ACOXL: variants seen among roughly 807,000 people sequenced by gnomAD.
ACOXL encodes acyl-CoA oxidase like.
In ACOXL, 70 loss-of-function variants were observed where a neutral mutation model predicts 71.9. The observed-to-expected ratio is 0.97, with a 90% CI of 0.80 to 1.19. The LOEUF is 1.19. Ranked by LOEUF, ACOXL falls within the 50% of genes most tolerant of loss-of-function variation. The probability of loss-of-function intolerance (pLI) is 0.00; values close to 1 mark genes in which losing one functional copy is unlikely to be tolerated. For synonymous variants in ACOXL, 253 were observed against 281.6 expected (o/e 0.90, Z 1.02); for missense variants, 703 against 736.3 (o/e 0.95, Z 0.52).
intron 12 of ACOXL, among the ~76,000 whole-genome samples, chr2:110,955,188 C>T (rs934471239): frequency 6.6e-6 from 1 of 152,102 alleles, no homozygotes; most frequent in South Asian, 2.1e-4. Flanking sequence ...ATATTGTTTT[C>T]CATGTTCTTT....
intron 12 of ACOXL, among the ~76,000 whole-genome samples, chr2:110,976,303 GGAATTCT>G (rs2062443492): frequency 6.6e-6 from 1 of 152,192 alleles, no homozygotes; most frequent in African/African-American, 2.4e-5. Flanking sequence ...CTGGGGTGGG[GGAATTCT>G]GTATTTCCAG....
At chr2:110,868,134 T>G (rs1694839959) in intron 10 of ACOXL, among the ~76,000 whole-genome samples, 1 of 152,200 alleles carries the variant, frequency 6.6e-6, no homozygotes, top group African/African-American at 2.4e-5. Flanking sequence ...CAGACTACAT[T>G]TTTGTGTAAC....
intron 12 of ACOXL, among the ~76,000 whole-genome samples, chr2:110,939,148 C>G (rs867471773): frequency 5.9e-5 from 9 of 152,220 alleles, no homozygotes; most frequent in African/African-American, 2.2e-4. Context: ...TTTTTCCTCT[C>G]AACTGCTAAC....
intron 16 of ACOXL, among the ~76,000 whole-genome samples, chr2:111,057,930 G>A (rs1021902366): frequency 1.1e-4 from 17 of 152,224 alleles, no homozygotes; most frequent in African/African-American, 3.6e-4. Context: ...CCGCCCAGGC[G>A]TGGAGGGTGC....
chr2:110,972,965 A>G (rs2062276928), intron 12 of ACOXL, among the ~76,000 whole-genome samples: 1 of 152,238 alleles, frequency 6.6e-6, no homozygotes, highest in African/African-American at 2.4e-5. Context: ...TATGTGCTCA[A>G]TTGGTTTAGG....
chr2:110,988,027 A>G (rs1344697817), intron 13 of ACOXL, among the ~76,000 whole-genome samples: 1 of 152,240 alleles, frequency 6.6e-6, no homozygotes, highest in African/African-American at 2.4e-5. Context: ...TAGGACCTCC[A>G]CTTCAGACGC....
At position 110,798,604 on chromosome 2, in the gene ACOXL, G is replaced by A. The variant is rs368352515; in HGVS notation, c.346-6G>A. On this transcript the variant is annotated splice_region_variant and splice_polypyrimidine_tract_variant and intron_variant, in intron 5 of 17. Transcript: ENST00000439055. The stretch of plus-strand genomic sequence containing the variant: ...GAAACACTGTTGCTCTGCTTTTTCT[G>A]TGTAGGAGTTTGTAATTGACACGCC... 30 of 1,610,896 alleles carry A rather than the reference G, an allele frequency of 1.9e-5. No homozygotes were observed. Among genetic ancestry groups the A allele is most frequent in the African/African-American group, 4.0e-5 (3 of 74,824 alleles).
Position 111,117,858 on chromosome 2 carries a change from C to A in ACOXL, c.*42C>A. 1 of 1,527,656 alleles carries A rather than the reference C, an allele frequency of 6.5e-7. No individual in the cohort carries two copies. The highest frequency in any genetic ancestry group is 8.8e-7 in the Non-Finnish European group (1 of 1,138,196). 94.6% of individuals were successfully genotyped at this position (1,527,656 alleles called of 1,614,324 possible). A position where few individuals can be genotyped will look rare whatever the true frequency, so the allele number is the denominator to read the frequency against. On this transcript the variant is annotated 3_prime_UTR_variant, in exon 18 of 18. Transcript: ENST00000439055. ...TGTGGTGGCCCGCCAGCAGCTGCCACGACGCTCGCTCCACCGACGCCCAGA... is the reference window on the plus strand; with the variant it reads ...TGTGGTGGCCCGCCAGCAGCTGCCAAGACGCTCGCTCCACCGACGCCCAGA...
At chr2:111,075,663 T>C (rs549598155) in intron 16 of ACOXL, among the ~76,000 whole-genome samples, 1 of 152,118 alleles carries the variant, frequency 6.6e-6, no homozygotes, top group Admixed American at 6.5e-5. Context: ...CTTAGATTAT[T>C]GATTTTAGAC....
chr2:110,838,488 G>A (rs1044430776), intron 9 of ACOXL, among the ~76,000 whole-genome samples: 1 of 152,178 alleles, frequency 6.6e-6, no homozygotes, highest in Non-Finnish European at 1.5e-5. Flanking sequence ...AGGCCTAGGA[G>A]GAAAAGCATC....
intron 17 of ACOXL, among the ~76,000 whole-genome samples, chr2:111,096,985 A>C (rs2068839927): frequency 6.6e-6 from 1 of 151,924 alleles, no homozygotes. Context: ...CTTAGTGCTG[A>C]CCCTGATTTT....
chr2:110,773,653 G>T (rs1682260453), intron 2 of ACOXL, among the ~76,000 whole-genome samples: 1 of 152,210 alleles, frequency 6.6e-6, no homozygotes, highest in Non-Finnish European at 1.5e-5. Flanking sequence ...TCTGGCTTCT[G>T]TTTGTACTGG....
chr2:110,936,841 A>G (rs1322460765), intron 12 of ACOXL, among the ~76,000 whole-genome samples: 2 of 124,750 alleles, frequency 1.6e-5, no homozygotes, highest in Non-Finnish European at 3.5e-5. Context: ...TGAACCACTT[A>G]TTTTAGGGAT....
At position 111,005,215 on chromosome 2, in the gene ACOXL, T is replaced by C. The variant is rs529955164; in HGVS notation, c.1281+9211T>C. ...TGTATAAGACTCACCTGGGAAAGAC[T>C]AATTTTCAAAATCTGATACAGGTTG... On this transcript the variant is annotated intron_variant, in intron 14 of 17. Transcript: ENST00000439055. Among the ~76,000 whole-genome samples the C allele has an allele frequency of 2.6e-5, 4 of 152,330 alleles. No individual in the cohort carries two copies. The South Asian group carries it at 8.3e-4, about 32-fold the overall frequency.
chr2:110,924,653 G>A (rs1053025636), intron 11 of ACOXL, among the ~76,000 whole-genome samples: 2 of 151,932 alleles, frequency 1.3e-5, no homozygotes, highest in African/African-American at 2.4e-5. Context: ...TCTAATTATC[G>A]TTCTCTTGCT....
chr2:110,863,924 G>A (rs771195002), intron 10 of ACOXL, among the ~76,000 whole-genome samples: 1 of 152,144 alleles, frequency 6.6e-6, no homozygotes, highest in Admixed American at 6.5e-5. Context: ...TGACTTGTGG[G>A]TGTGTTTCCC....
intron 10 of ACOXL, among the ~76,000 whole-genome samples, chr2:110,892,728 A>C (rs912214771): frequency 3.3e-5 from 5 of 152,222 alleles, no homozygotes; most frequent in African/African-American, 4.8e-5. Flanking sequence ...AGCTATATCC[A>C]GGGAGGCTCA....
rs575272345 is a variant in ACOXL at position 110,760,654 on chromosome 2, A to G, written c.-22-7714A>G. Among the ~76,000 whole-genome samples the G allele has an allele frequency of 2.4e-4, 37 of 152,336 alleles. No individual in the cohort carries two copies. In the South Asian group the frequency reaches 7.5e-3, roughly 31 times the overall value. Reference sequence around the variant, plus strand: ...GATTGCCTAGAGGTAGGTTGGTTTAAGATGGCCATGGCCAAGACAAGTGAG... The same window carrying G: ...GATTGCCTAGAGGTAGGTTGGTTTAGGATGGCCATGGCCAAGACAAGTGAG... On this transcript the variant is annotated intron_variant, in intron 1 of 17. Coordinates refer to ENST00000439055, the MANE Select transcript of ACOXL (RefSeq NM_001142807.4).
intron 9 of ACOXL, among the ~76,000 whole-genome samples, chr2:110,812,320 CTTTTA>C (rs1687430679): frequency 6.6e-6 from 1 of 152,004 alleles, no homozygotes; most frequent in Non-Finnish European, 1.5e-5. Context: ...TTTTTGTAAC[CTTTTA>C]TTTTAGGTTG....
Sources: allele counts gnomAD v4.1 joint callset (sites outside exome capture counted in the v4.1 genomes callset), GRCh38; gene constraint gnomAD v4.1.1; transcripts MANE v1.5; gene names NCBI Gene and HGNC (gene_info 2026-07-23, HGNC 2026-07-21).